The following VARS2 variants were observed in gnomAD, a reference collection of about 807,000 sequenced individuals.
VARS2 encodes the protein valyl-tRNA synthetase 2, mitochondrial.
VARS2 carries 105 observed loss-of-function variants against 154.1 expected under a neutral mutation model. The observed-to-expected ratio is 0.68, with a 90% CI of 0.58 to 0.80. The LOEUF (loss-of-function observed/expected upper bound fraction) is 0.80, where lower values mean the gene tolerates loss of function less well. Ranked by LOEUF, VARS2 falls within the 30% of genes least tolerant of loss-of-function variation. VARS2 has a pLI of 0.00. For missense variants in VARS2, 1,157 were observed against 1,361.4 expected, an observed-to-expected ratio of 0.85 and a Z score of 2.36; for synonymous variants, 483 against 539.5, an observed-to-expected ratio of 0.90 and a Z score of 1.45.
intron 23 of VARS2, 33 bp from the exon 24 acceptor site, chr6:30,923,071 T>G (rs370634569): frequency 5.0e-6 from 8 of 1,611,796 alleles, no homozygotes; most frequent in Non-Finnish European, 6.8e-6. Flanking sequence ...TGCTGCCACC[T>G]ACATGCAGAC....
intron 22 of VARS2, 49 bp downstream of exon 22, chr6:30,922,823 G>T: frequency 6.3e-7 from 1 of 1,585,052 alleles, no homozygotes. Flanking sequence ...ACCACCTCTG[G>T]CTTCCTCTGC....
Position 30,917,145 on chromosome 6 carries a change from A to T in VARS2, c.794A>T (p.Tyr265Phe), listed in dbSNP as rs1179077789. ...GTGACTGAAGCTTTTGTGCGGCTCT[A>T]CAAGGCGGGGTTGCTGTACCGGAAC... ...VAVTEAFVRL[Y>F]KAGLLYRNHQ... Residue 265 changes from tyrosine (Y) to phenylalanine (F), a missense_variant, in exon 9 of 30, where the codon TAC becomes TTC. By Grantham distance (22) the Tyr-to-Phe change is conservative (BLOSUM62 3). Transcript: ENST00000676266. The surrounding 1 kb of genome is among the most constrained non-coding windows in gnomAD (Gnocchi z 4.4). 2.5e-6 allele frequency: 4 copies of T among 1,614,198 alleles called. No individual in the cohort carries two copies. The highest frequency in any genetic ancestry group is 3.4e-6 in the Non-Finnish European group (4 of 1,180,028).
Position 30,920,036 on chromosome 6 carries a change from A to T in VARS2, c.1166-53A>T. ...GTGCAGGTGATGATGATACATCTGG[A>T]AAAGCAAAAGCCAAGGTCAGGTTCA... On this transcript the variant is annotated intron_variant, in intron 12 of 29. Coordinates refer to ENST00000676266, the MANE Select transcript of VARS2 (RefSeq NM_020442.6). This position sits in a 1 kb window ranked among gnomAD's most constrained non-coding sequence, Gnocchi z 4.6. 1.1e-6 allele frequency: 1 copy of T among 930,236 alleles called. No homozygotes were observed. The highest frequency in any genetic ancestry group is 1.4e-6 in the Non-Finnish European group (1 of 722,504). The allele number at this position is 930,236 out of a possible 1,614,324, so 57.6% of individuals were successfully genotyped here.
At position 30,921,549 on chromosome 6, in the gene VARS2, G is replaced by A; in HGVS notation, c.1633-40G>A. The stretch of plus-strand genomic sequence containing the variant: ...CAAGTGACATTTACACCTGTCAGCT[G>A]TTCTTCCTCACTCTCCCCAACCCCT... On this transcript the variant is annotated intron_variant, in intron 17 of 29. Coordinates refer to ENST00000676266, the MANE Select transcript of VARS2 (RefSeq NM_020442.6). The surrounding 1 kb of genome is among the most constrained non-coding windows in gnomAD (Gnocchi z 4.6). 1 of 1,576,056 alleles carries A rather than the reference G, an allele frequency of 6.3e-7. No individual in the cohort carries two copies. Among genetic ancestry groups the A allele is most frequent in the Non-Finnish European group, 8.6e-7 (1 of 1,161,596 alleles).
At chr6:30,915,129 C>A in intron 2 of VARS2, 27 bp from the exon 3 acceptor site, 1 of 1,613,046 alleles carries the variant, frequency 6.2e-7, no homozygotes, top group South Asian at 1.1e-5. Flanking sequence ...ATACTGGATC[C>A]CAGCCTCTTC....
rs970209862 is a variant in VARS2 at position 30,919,710 on chromosome 6, T to G, written c.1075-48T>G. The stretch of plus-strand genomic sequence containing the variant: ...GTTCTCACGCCCCAGCCCAGACCCT[T>G]CCAACCCTCACAGGTGCCTGTCCTT... On this transcript the variant is annotated intron_variant, in intron 11 of 29. Coordinates refer to ENST00000676266, the MANE Select transcript of VARS2 (RefSeq NM_020442.6). This position sits in a 1 kb window ranked among gnomAD's most constrained non-coding sequence, Gnocchi z 4.5. 7 of 1,478,562 alleles carry G rather than the reference T, an allele frequency of 4.7e-6. No homozygotes were observed. The highest frequency in any genetic ancestry group is 6.4e-6 in the Non-Finnish European group (7 of 1,101,860). The allele number at this position is 1,478,562 out of a possible 1,614,324, so 91.6% of individuals were successfully genotyped here. A position where few individuals can be genotyped will look rare whatever the true frequency, so the allele number is the denominator to read the frequency against.
rs1489439282 is a variant in VARS2 at position 30,919,436 on chromosome 6, C to T, written c.1075-322C>T. On this transcript the variant is annotated intron_variant, in intron 11 of 29. Coordinates refer to ENST00000676266, the MANE Select transcript of VARS2 (RefSeq NM_020442.6). This position sits in a 1 kb window ranked among gnomAD's most constrained non-coding sequence, Gnocchi z 4.5. The stretch of plus-strand genomic sequence containing the variant: ...TCCTGACCTCGTGATCTGCCCACCT[C>T]GGCCTCCCAAAGTGCTGGGATTACA... 3.6e-5 allele frequency: 9 copies of T among 251,670 alleles called. No homozygotes were observed. The highest frequency in any genetic ancestry group is 6.8e-5 in the Non-Finnish European group (9 of 133,128). The allele number at this position is 251,670 out of a possible 1,614,324, so 15.6% of individuals were successfully genotyped here.
chr6:30,915,403 C>A lies in VARS2; in HGVS notation c.332C>A (p.Ala111Asp), dbSNP rs1340239459. The A allele has an allele frequency of 1.9e-6, 3 of 1,614,228 alleles. No homozygotes were observed. Among genetic ancestry groups the A allele is most frequent in the South Asian group, 1.1e-5 (1 of 91,090 alleles). ...PPAYSPRYVEAAWYPWWVREG... is the reference protein window; with the variant it reads ...PPAYSPRYVEDAWYPWWVREG... ...GCATACAGCCCCCGATATGTTGAGG[C>A]TGCCTGGTACCCGTGGTGGGTACGA... The change falls in exon 4 of 30, where the codon GCT becomes GAT. Residue 111 changes from alanine to aspartate, a missense_variant. Physicochemically the swap from Ala to Asp is moderately radical, Grantham distance 126. Transcript: ENST00000676266.
rs753050963 is a variant in VARS2 at position 30,921,637 on chromosome 6, G to A, written c.1681G>A (p.Glu561Lys). Residue 561 changes from glutamate to lysine, a missense_variant, in exon 18 of 30, where the codon GAG becomes AAG. Glu to Lys is a moderately conservative substitution (Grantham distance 56). Coordinates refer to ENST00000676266, the MANE Select transcript of VARS2 (RefSeq NM_020442.6). This position sits in a 1 kb window ranked among gnomAD's most constrained non-coding sequence, Gnocchi z 4.6. ...VVGRSEAEAREVAAELTGRPG... is the reference protein window; with the variant it reads ...VVGRSEAEARKVAAELTGRPG... The stretch of plus-strand genomic sequence containing the variant: ...TGGGCGGTCAGAGGCTGAGGCCAGA[G>A]AGGTAGCAGCGGAACTGACAGGGAG... 2.5e-6 allele frequency: 4 copies of A among 1,609,676 alleles called. No homozygotes were observed. The highest frequency in any genetic ancestry group is 3.4e-6 in the Non-Finnish European group (4 of 1,179,226).
Position 30,914,361 on chromosome 6 carries a change from G to A in VARS2, c.-28+17G>A, listed in dbSNP as rs1794000456. The A allele has an allele frequency of 8.0e-7, 1 of 1,246,702 alleles. No individual in the cohort carries two copies. The highest frequency in any genetic ancestry group is 1.0e-6 in the Non-Finnish European group (1 of 996,682). 77.2% of individuals were successfully genotyped at this position (1,246,702 alleles called of 1,614,324 possible). A position where few individuals can be genotyped will look rare whatever the true frequency, so the allele number is the denominator to read the frequency against. ...GGCCTCCTGGTGAGCGCGCGCCGGG[G>A]CGGCCTCCGGGAAGTGGGAGACGCT... On this transcript the variant is annotated intron_variant, in intron 1 of 29. Coordinates refer to ENST00000676266, the MANE Select transcript of VARS2 (RefSeq NM_020442.6).
In VARS2 at chr6:30,920,363, ATAATG is replaced by A; in HGVS notation, c.1326_1330del (p.Met443CysfsTer4). ...TCACCGGTTTGTGGCCCGGGAAAAG[ATAATG>A]TCTGTGCTGAGTGAATGGGGCCTGT... On this transcript the variant is annotated frameshift_variant, in exon 14 of 30. Coordinates refer to ENST00000676266, the MANE Select transcript of VARS2 (RefSeq NM_020442.6). LOFTEE classifies it high-confidence loss of function. The surrounding 1 kb of genome is among the most constrained non-coding windows in gnomAD (Gnocchi z 4.6). The A allele has an allele frequency of 6.2e-7, 1 of 1,613,156 alleles. No individual in the cohort carries two copies. The highest frequency in any genetic ancestry group is 8.5e-7 in the Non-Finnish European group (1 of 1,179,628).
Position 30,920,856 on chromosome 6 carries a change from C to T in VARS2, c.1479+107C>T. 1.8e-6 allele frequency: 2 copies of T among 1,139,566 alleles called. No individual in the cohort carries two copies. Among genetic ancestry groups the T allele is most frequent in the Non-Finnish European group, 2.5e-6 (2 of 815,514 alleles). 70.6% of individuals were successfully genotyped at this position (1,139,566 alleles called of 1,614,324 possible). On this transcript the variant is annotated intron_variant, in intron 15 of 29. Coordinates refer to ENST00000676266, the MANE Select transcript of VARS2 (RefSeq NM_020442.6). The surrounding 1 kb of genome is among the most constrained non-coding windows in gnomAD (Gnocchi z 4.6). ...AGACCTCCTGCCCTGAAGACCTCTCCAGCTGTGGTAACTGAGAGGATGTGT... is the reference window on the plus strand; with the variant it reads ...AGACCTCCTGCCCTGAAGACCTCTCTAGCTGTGGTAACTGAGAGGATGTGT...
At position 30,921,189 on chromosome 6, in the gene VARS2, T is replaced by A; in HGVS notation, c.1557-41T>A. ...TCTTGTGGAGATGGGGAGGGGGGACTGACTGGTTATTCTAAGACTTCACGA... is the reference window on the plus strand; with the variant it reads ...TCTTGTGGAGATGGGGAGGGGGGACAGACTGGTTATTCTAAGACTTCACGA... On this transcript the variant is annotated intron_variant, in intron 16 of 29. Coordinates refer to ENST00000676266, the MANE Select transcript of VARS2 (RefSeq NM_020442.6). This position sits in a 1 kb window ranked among gnomAD's most constrained non-coding sequence, Gnocchi z 4.6. 1.2e-6 allele frequency: 2 copies of A among 1,613,868 alleles called. No homozygotes were observed. Among genetic ancestry groups the A allele is most frequent in the Non-Finnish European group, 1.7e-6 (2 of 1,179,828 alleles).
At chr6:30,915,714 T>C in intron 4 of VARS2, 32 bp from the exon 5 acceptor site, 2 of 1,611,888 alleles carry the variant, frequency 1.2e-6, no homozygotes, top group African/African-American at 2.7e-5. Flanking sequence ...TCCAATTCTC[T>C]CTTGCCCCTT....
At position 30,917,547 on chromosome 6, in the gene VARS2, G is replaced by C; in HGVS notation, c.874-148G>C. 1.3e-6 allele frequency: 1 copy of C among 771,570 alleles called. No homozygotes were observed. Among genetic ancestry groups the C allele is most frequent in the Non-Finnish European group, 2.1e-6 (1 of 487,502 alleles). 47.8% of individuals were successfully genotyped at this position (771,570 alleles called of 1,614,324 possible). ...GTGTGACTGCACGAGCATTGGGTGA[G>C]GGCAGAGGGAGGTAGCTCCCGAATC... On this transcript the variant is annotated intron_variant, in intron 9 of 29. Transcript: ENST00000676266. This position sits in a 1 kb window ranked among gnomAD's most constrained non-coding sequence, Gnocchi z 4.4.
At chr6:30,922,310 A>G in intron 20 of VARS2, 69 bp downstream of exon 20, 1 of 1,596,672 alleles carries the variant, frequency 6.3e-7, no homozygotes, top group Non-Finnish European at 8.5e-7. Context: ...CCTCCCTTCT[A>G]ACCCCTAATG....
rs1562461500 is a variant in VARS2, at chr6:30,923,521, GGA to G, written c.2466+18_2466+19del. 6.2e-7 allele frequency: 1 copy of G among 1,602,494 alleles called. No individual in the cohort carries two copies. The highest frequency in any genetic ancestry group is 1.3e-5 in the African/African-American group (1 of 74,800). On this transcript the variant is annotated intron_variant, in intron 25 of 29. Coordinates refer to ENST00000676266, the MANE Select transcript of VARS2 (RefSeq NM_020442.6). ...CGTCTACCTGGTGAGTGAGGCTGGG[GGA>G]GGCTTGGTATTCCCATGCCTGCTTC...
Position 30,915,739 on chromosome 6 carries a change from C to T in VARS2, c.385-7C>T. The T allele has an allele frequency of 1.2e-6, 2 of 1,612,190 alleles. No individual in the cohort carries two copies. The highest frequency in any genetic ancestry group is 8.5e-7 in the Non-Finnish European group (1 of 1,179,658). On this transcript the variant is annotated splice_region_variant and splice_polypyrimidine_tract_variant and intron_variant, in intron 4 of 29. Coordinates refer to ENST00000676266, the MANE Select transcript of VARS2 (RefSeq NM_020442.6). ...TCTTGCCCCTTTGACTTTTTTTCTT[C>T]CTCTAGGCCCGGCTGCCCCAAGCTA...
rs770182765 is a variant in VARS2, at chr6:30,925,881, G to T, written c.2963G>T (p.Gly988Val). The change falls in exon 29 of 30, where the codon GGC (glycine) becomes GTC (valine). Residue 988 changes from glycine to valine, a missense_variant and splice_region_variant. Transcript: ENST00000676266. ...DTAQVYMELQGLVDPQIQLPL... is the reference protein window; with the variant it reads ...DTAQVYMELQVLVDPQIQLPL... Reference sequence around the variant, plus strand: ...CCTTTTCTCCCTGTTCTTCCCCAGGGCCTGGTGGACCCGCAGATCCAGCTA... The same window carrying T: ...CCTTTTCTCCCTGTTCTTCCCCAGGTCCTGGTGGACCCGCAGATCCAGCTA... 1.9e-6 allele frequency: 3 copies of T among 1,612,728 alleles called. No homozygotes were observed. The highest frequency in any genetic ancestry group is 1.7e-4 in the Middle Eastern group (1 of 5,776).
Sources: allele counts gnomAD v4.1 joint callset, GRCh38; gene constraint gnomAD v4.1.1; non-coding constraint Gnocchi (gnomAD v3.1); transcripts MANE v1.5; gene names NCBI Gene and HGNC (gene_info 2026-07-23, HGNC 2026-07-21).